ABCA4: variants seen among roughly 807,000 people sequenced by gnomAD.
ABCA4 encodes the protein retinal-specific phospholipid-transporting ATPase ABCA4.
Under a neutral mutation model 263.7 loss-of-function variants are expected in ABCA4, and 196 were observed. That is an observed-to-expected ratio of 0.74 (90% CI 0.66 to 0.84). The LOEUF (loss-of-function observed/expected upper bound fraction) is 0.84, where lower values mean the gene tolerates loss of function less well. Among genes scored for constraint, ABCA4 ranks in the 40% least tolerant of loss-of-function variants. ABCA4 has a pLI of 0.00. For synonymous variants in ABCA4, 1,133 were observed against 1,094.2 expected (o/e 1.04, Z -0.70); for missense variants, 2,792 against 2,855.1 (o/e 0.98, Z 0.50).
chr1:94,017,684 C>G (rs1361435582), intron 36 of ABCA4, among the ~76,000 whole-genome samples: 1 of 151,958 alleles, frequency 6.6e-6, no homozygotes, highest in Non-Finnish European at 1.5e-5. Context: ...GGGGTGTATC[C>G]TCGTTTGTAG....
chr1:94,037,011 A>G, intron 25 of ABCA4, 134 bp downstream of exon 25: 2 of 1,039,066 alleles, frequency 1.9e-6, no homozygotes, highest in South Asian at 2.6e-5. Flanking sequence ...TATGCCAAAA[A>G]TAAAGATAGT....
intron 1 of ABCA4, among the ~76,000 whole-genome samples, chr1:94,120,182 G>A (rs548242970): frequency 1.3e-5 from 2 of 152,270 alleles, no homozygotes; most frequent in East Asian, 1.9e-4. Context: ...CCTTTTGCTC[G>A]CACTTCTCAT....
chr1:94,021,090 A>G (rs777052087), intron 35 of ABCA4, 150 bp downstream of exon 35: 58 of 1,056,662 alleles, frequency 5.5e-5, no homozygotes, highest in Non-Finnish European at 8.3e-5. Flanking sequence ...AGTGTGAGGC[A>G]CTTATTTGAA....
At position 94,051,758 on chromosome 1, in the gene ABCA4, G is replaced by A. The variant is rs55914169; in HGVS notation, c.2588-60C>T. ...AGGAGTCTCCCTATCCTACCTTACC[G>A]CAGTTCTATAAGATCTAGAGTTTAT... On this transcript the variant is annotated intron_variant, in intron 16 of 49. Coordinates refer to ENST00000370225, the MANE Select transcript of ABCA4 (RefSeq NM_000350.3). 2.4e-3 allele frequency: 3,021 copies of A among 1,284,924 alleles called. 13 individuals are homozygous for A. Among genetic ancestry groups the A allele is most frequent in the Middle Eastern group, 6.5e-3 (35 of 5,408 alleles). 79.6% of individuals were successfully genotyped at this position (1,284,924 alleles called of 1,614,324 possible).
rs1420128252 is a variant in ABCA4 at position 94,055,314 on chromosome 1, C to T, written c.2384G>A (p.Ser795Asn). The change falls in exon 16 of 50, where the codon AGC (serine) becomes AAC (asparagine). Residue 795 changes from serine (S) to asparagine (N), a missense_variant and splice_region_variant. Coordinates refer to ENST00000370225, the MANE Select transcript of ABCA4 (RefSeq NM_000350.3). ...RMTAELKKAV[S>N]LLSPVAFGFG... ...TCCAAATGCCACCGGAGACAGTAAG[C>T]TCTGCAGTGAGGCGGAGAGGGCACA... is the stretch of plus-strand genomic sequence containing the variant. 1 of 1,613,982 alleles carries T rather than the reference C, an allele frequency of 6.2e-7. No individual in the cohort carries two copies. The highest frequency in any genetic ancestry group is 1.7e-5 in the Admixed American group (1 of 60,020).
chr1:94,046,322 C>A, intron 19 of ABCA4, among the ~76,000 whole-genome samples: 1 of 144,132 alleles, frequency 6.9e-6, no homozygotes. Context: ...ATTAGCTGGG[C>A]ATGGTGGTAT....
chr1:94,029,461 C>T lies in ABCA4; in HGVS notation c.4523G>A (p.Gly1508Asp). 1 of 1,557,204 alleles carries T rather than the reference C, an allele frequency of 6.4e-7. No individual in the cohort carries two copies. The highest frequency in any genetic ancestry group is 2.4e-5 in the East Asian group (1 of 42,078). ...MLPECPEGAGGLPPPQRTQRS... is the reference protein window; with the variant it reads ...MLPECPEGAGDLPPPQRTQRS... Reference sequence around the variant, plus strand: ...GTCAGGTACCTGGGGGGGCGGGAGGCCCCCGGCACCCTCGGGGCACTCTGG... The same window carrying T: ...GTCAGGTACCTGGGGGGGCGGGAGGTCCCCGGCACCCTCGGGGCACTCTGG... Residue 1508 changes from glycine (G) to aspartate (D), a missense_variant, in exon 30 of 50, where the codon GGC becomes GAC. Gly to Asp is a moderately conservative substitution (Grantham distance 94). Coordinates refer to ENST00000370225, the MANE Select transcript of ABCA4 (RefSeq NM_000350.3).
chr1:94,043,229 T>C, intron 21 of ABCA4, 107 bp downstream of exon 21: 1 of 1,513,670 alleles, frequency 6.6e-7, no homozygotes, highest in Non-Finnish European at 9.0e-7. Context: ...ACAGAGGTGT[T>C]CCCACCCTTA....
chr1:94,062,722 C>A lies in ABCA4; in HGVS notation c.1792G>T (p.Val598Leu), dbSNP rs201838557. Residue 598 changes from valine to leucine, a missense_variant, in exon 13 of 50, where the codon GTG (valine) becomes TTG (leucine). Coordinates refer to ENST00000370225, the MANE Select transcript of ABCA4 (RefSeq NM_000350.3). ...YWDSGPRADP[V>L]EDFRYIWGGF... Reference sequence around the variant, plus strand: ...CCCCAGATGTACCGGAAATCTTCCACGGGATCAGCTCTGGGACCAGAATCC... The same window carrying A: ...CCCCAGATGTACCGGAAATCTTCCAAGGGATCAGCTCTGGGACCAGAATCC... 2 of 1,613,942 alleles carry A rather than the reference C, an allele frequency of 1.2e-6. No individual in the cohort carries two copies. Among genetic ancestry groups the A allele is most frequent in the Non-Finnish European group, 1.7e-6 (2 of 1,180,016 alleles).
chr1:94,004,189 A>G (rs945765656), intron 44 of ABCA4, among the ~76,000 whole-genome samples: 2 of 152,162 alleles, frequency 1.3e-5, no homozygotes, highest in Non-Finnish European at 2.9e-5. Context: ...ATACATGCCT[A>G]TGTGCATGAA....
intron 16 of ABCA4, among the ~76,000 whole-genome samples, chr1:94,052,868 T>A (rs1403418191): frequency 6.6e-6 from 1 of 152,150 alleles, no homozygotes; most frequent in Non-Finnish European, 1.5e-5. Flanking sequence ...ATAAGCCCCT[T>A]CCTCTACCAC....
rs751981177 is a variant in ABCA4, at chr1:94,083,342, G to A, written c.858+10C>T. ...AATGAAATTATAATTACTACCATCA[G>A]GCTACTCACCTCTTGAATTCTTGGT... On this transcript the variant is annotated intron_variant, in intron 7 of 49. Coordinates refer to ENST00000370225, the MANE Select transcript of ABCA4 (RefSeq NM_000350.3). 4 of 1,579,862 alleles carry A rather than the reference G, an allele frequency of 2.5e-6. No individual in the cohort carries two copies. In the East Asian group the frequency reaches 9.0e-5, roughly 35 times the overall value.
rs11804211 is a variant in ABCA4, at chr1:94,002,484, A to G, written c.6148-492T>C. On this transcript the variant is annotated intron_variant, in intron 44 of 49. Transcript: ENST00000370225. ...CAATGTGAACACAGCCATTGCTGCT[A>G]TCCTCAGACTGCGGGGAGGTGGCAG... Among the ~76,000 whole-genome samples, 19,452 of 152,268 alleles carry G rather than the reference A, an allele frequency of 0.13. 2,084 individuals carry two copies. Among genetic ancestry groups the G allele is most frequent in the African/African-American group, 0.29 (12,164 of 41,536 alleles).
chr1:94,108,790 T>C (rs1662512118), intron 3 of ABCA4, 74 bp from the exon 4 acceptor site: 5 of 1,565,896 alleles, frequency 3.2e-6, no homozygotes, highest in Non-Finnish European at 4.4e-6. Context: ...CATGCTATTT[T>C]TTTTTTTTAT....
intron 36 of ABCA4, chr1:94,019,339 A>G: frequency 1.9e-6 from 1 of 513,014 alleles, no homozygotes; most frequent in African/African-American, 1.9e-5. Flanking sequence ...CAGGACATAG[A>G]GAGCCCCCGT....
intron 6 of ABCA4, among the ~76,000 whole-genome samples, chr1:94,086,982 C>T (rs929216440): frequency 6.6e-6 from 1 of 152,158 alleles, no homozygotes; most frequent in Non-Finnish European, 1.5e-5. Flanking sequence ...AAGGCTCCAG[C>T]AGGTTTATTG....
In ABCA4 at chr1:93,998,115, G is replaced by A. The variant is rs1659063094; in HGVS notation, c.6480-5C>T. 1.9e-6 allele frequency: 3 copies of A among 1,614,106 alleles called. No homozygotes were observed. The highest frequency in any genetic ancestry group is 1.6e-4 in the Middle Eastern group (1 of 6,062). ...ACGATATAGCCATCTCCAAATCTAG[G>A]GGATGCACACAGTGCAGGACAGGCC... On this transcript the variant is annotated splice_region_variant and splice_polypyrimidine_tract_variant and intron_variant, in intron 47 of 49. Coordinates refer to ENST00000370225, the MANE Select transcript of ABCA4 (RefSeq NM_000350.3).
chr1:94,047,019 G>C lies in ABCA4; in HGVS notation c.2818C>G (p.Pro940Ala). The change falls in exon 19 of 50, where the codon CCC becomes GCC. Residue 940 changes from proline to alanine, a missense_variant. Physicochemically the swap from Pro to Ala is conservative, Grantham distance 27. Transcript: ENST00000370225. ...CGGTCCACAGCTGGCCGGCCACAGG[G>C]CTCAAAAATCTTTACCAGATTCTTC... ...CVKNLVKIFE[P>A]CGRPAVDRLN... 6.2e-7 allele frequency: 1 copy of C among 1,614,142 alleles called. No individual in the cohort carries two copies. The highest frequency in any genetic ancestry group is 8.5e-7 in the Non-Finnish European group (1 of 1,180,030).
intron 16 of ABCA4, among the ~76,000 whole-genome samples, chr1:94,054,140 G>A (rs150658969): frequency 3.9e-5 from 6 of 152,300 alleles, no homozygotes; most frequent in South Asian, 4.1e-4. Context: ...ATACACGACC[G>A]TGCAAACAGC....
Sources: allele counts gnomAD v4.1 joint callset (sites outside exome capture counted in the v4.1 genomes callset), GRCh38; gene constraint gnomAD v4.1.1; transcripts MANE v1.5; gene names NCBI Gene and HGNC (gene_info 2026-07-23, HGNC 2026-07-21).